Variants in CCNA2 observed in about 807,000 individuals in gnomAD.
The protein encoded by CCNA2 is cyclin A2.
CCNA2 carries 3 observed loss-of-function variants against 49.4 expected under a neutral mutation model. The observed-to-expected ratio is 0.06, with a 90% CI of 0.03 to 0.16. The LOEUF is 0.16. Ranked by LOEUF, CCNA2 falls within the 10% of genes least tolerant of loss-of-function variation. CCNA2 has a pLI of 1.00. For missense variants in CCNA2, 372 were observed against 519.7 expected, an observed-to-expected ratio of 0.72 and a Z score of 2.76; for synonymous variants, 206 against 197.2, an observed-to-expected ratio of 1.04 and a Z score of -0.37.
At position 121,817,554 on chromosome 4, in the gene CCNA2, G is replaced by A. The variant is rs958560978; in HGVS notation, c.*84C>T. ...ACAACTTCTGTATTCAGAAATGATT[G>A]TAAAATTAAAACCTAAGTTAAAAAC... On this transcript the variant is annotated 3_prime_UTR_variant, in exon 8 of 8. Transcript: ENST00000274026. The A allele has an allele frequency of 3.3e-6, 5 of 1,536,788 alleles. No individual in the cohort carries two copies. The highest frequency in any genetic ancestry group is 2.8e-5 in the African/African-American group (2 of 72,472).
In CCNA2 at chr4:121,819,378, T is replaced by C. The variant is rs375688555; in HGVS notation, c.996A>G (p.Leu332=). ...AAAATGAAAGTTAACTCACCATTGC[T>C]AAACTTTCAACTTTGCAGTTTGCAG... is the stretch of plus-strand genomic sequence containing the variant. ...QQPANCKVES[L]AMFLGELSLI... Residue 332 remains leucine, a synonymous_variant, in exon 5 of 8, where the codon TTA becomes TTG. Coordinates refer to ENST00000274026, the MANE Select transcript of CCNA2 (RefSeq NM_001237.5). The C allele has an allele frequency of 6.2e-7, 1 of 1,612,660 alleles. No individual in the cohort carries two copies. Among genetic ancestry groups the C allele is most frequent in the African/African-American group, 1.3e-5 (1 of 74,918 alleles).
At chr4:121,822,741 C>T (rs1724721186) in intron 1 of CCNA2, 95 bp from the exon 2 acceptor site, 1 of 1,278,014 alleles carries the variant, frequency 7.8e-7, no homozygotes, top group Non-Finnish European at 1.1e-6. Context: ...AATACTCTAT[C>T]AGGAATTAAA....
At position 121,817,306 on chromosome 4, in the gene CCNA2, A is replaced by G; in HGVS notation, c.*332T>C. ...AGAGGAAGGCTTTTCACTTCCCATT[A>G]TATAGTAAACCAAGTAAACTTCTTT... On this transcript the variant is annotated 3_prime_UTR_variant, in exon 8 of 8. Transcript: ENST00000274026. The G allele has an allele frequency of 3.9e-6, 1 of 259,320 alleles. No homozygotes were observed. The highest frequency in any genetic ancestry group is 8.6e-5 in the East Asian group (1 of 11,620). 16.1% of individuals were successfully genotyped at this position (259,320 alleles called of 1,614,324 possible).
rs780635306 is a variant in CCNA2 at position 121,823,656 on chromosome 4, T to A, written c.-28A>T. The A allele has an allele frequency of 1.3e-6, 2 of 1,542,798 alleles. No homozygotes were observed. Among genetic ancestry groups the A allele is most frequent in the Admixed American group, 1.9e-5 (1 of 51,690 alleles). ...CTGCTCCCGGGAGTGGACGGCGGGA[T>A]CAGCCTGCGGCGCCAAGCAGCGTGC... On this transcript the variant is annotated 5_prime_UTR_variant, in exon 1 of 8. Coordinates refer to ENST00000274026, the MANE Select transcript of CCNA2 (RefSeq NM_001237.5).
In CCNA2 at chr4:121,823,592, C is replaced by G. The variant is rs1300588184; in HGVS notation, c.37G>C (p.Glu13Gln). Reference protein sequence around the residue: ...GNSAPGPATREAGSALLALQQ... With the variant: ...GNSAPGPATRQAGSALLALQQ... ...AATGCTAGCAGCGCCGAGCCCGCCT[C>G]GCGGGTCGCAGGCCCCGGCGCAGAG... is the stretch of plus-strand genomic sequence containing the variant. The change falls in exon 1 of 8, where the codon GAG (glutamate) becomes CAG (glutamine). Residue 13 changes from glutamate (E) to glutamine (Q), a missense_variant. Glu to Gln is a conservative substitution (Grantham distance 29). Coordinates refer to ENST00000274026, the MANE Select transcript of CCNA2 (RefSeq NM_001237.5). The G allele has an allele frequency of 1.2e-6, 2 of 1,605,006 alleles. No individual in the cohort carries two copies. The highest frequency in any genetic ancestry group is 1.7e-6 in the Non-Finnish European group (2 of 1,177,592).
In CCNA2 at chr4:121,818,188, G is replaced by A. The variant is rs1724595431; in HGVS notation, c.1117-11C>T. On this transcript the variant is annotated splice_polypyrimidine_tract_variant and intron_variant, in intron 6 of 7. Coordinates refer to ENST00000274026, the MANE Select transcript of CCNA2 (RefSeq NM_001237.5). The stretch of plus-strand genomic sequence containing the variant: ...TATTAATGATTCAGGCTACAGAGAA[G>A]GGAATAGAGAACCCCTGAGTTTTGC... The A allele has an allele frequency of 6.2e-7, 1 of 1,608,046 alleles. No homozygotes were observed. Among genetic ancestry groups the A allele is most frequent in the Non-Finnish European group, 8.5e-7 (1 of 1,178,110 alleles).
Position 121,820,288 on chromosome 4 carries a change from T to C in CCNA2, c.794+254A>G, listed in dbSNP as rs755179571. On this transcript the variant is annotated intron_variant, in intron 4 of 7. Coordinates refer to ENST00000274026, the MANE Select transcript of CCNA2 (RefSeq NM_001237.5). This position sits in a 1 kb window ranked among gnomAD's most constrained non-coding sequence, Gnocchi z 4.1. ...ACTGCTTATATGCCAGAAAGTAATA[T>C]TGGAAGGAAAATGTTTTAAAATTTG... 2.0e-5 allele frequency among the ~76,000 whole-genome samples: 3 copies of C among 152,182 alleles called. No individual in the cohort carries two copies. The highest frequency in any genetic ancestry group is 2.9e-5 in the Non-Finnish European group (2 of 68,028).
chr4:121,819,444 T>C lies in CCNA2; in HGVS notation c.930A>G (p.Thr310=), dbSNP rs1445913355. The change falls in exon 5 of 8, where the codon ACA becomes ACG. Residue 310 remains threonine (T), a synonymous_variant. Coordinates refer to ENST00000274026, the MANE Select transcript of CCNA2 (RefSeq NM_001237.5). ...KVLTFDLAAP[T]VNQFLTQYFL... is the part of the protein sequence containing the mutation. ...AGTATTGGGTAAGAAACTGATTTAC[T>C]GTTGGAGCAGCTAAGTCAAAAGTAA... The C allele has an allele frequency of 1.2e-6, 2 of 1,614,154 alleles. No homozygotes were observed. Among genetic ancestry groups the C allele is most frequent in the Non-Finnish European group, 1.7e-6 (2 of 1,179,988 alleles).
Position 121,820,429 on chromosome 4 carries a change from A to T in CCNA2, c.794+113T>A, listed in dbSNP as rs769245. 12,703 of 702,942 alleles carry T rather than the reference A, an allele frequency of 0.018. 169 individuals are homozygous for T. Among genetic ancestry groups the T allele is most frequent in the Middle Eastern group, 0.041 (165 of 4,000 alleles). 43.5% of individuals were successfully genotyped at this position (702,942 alleles called of 1,614,324 possible). A position where few individuals can be genotyped will look rare whatever the true frequency, so the allele number is the denominator to read the frequency against. On this transcript the variant is annotated intron_variant, in intron 4 of 7. Transcript: ENST00000274026. This position sits in a 1 kb window ranked among gnomAD's most constrained non-coding sequence, Gnocchi z 4.1. ...TAAGCCCCAGCACATTGCCATCCCT[A>T]AAGTAGTCACTGACTCTGCCTGGTG...
Position 121,817,051 on chromosome 4 carries a change from TC to T in CCNA2, c.*586del. The T allele has an allele frequency of 1.8e-6, 1 of 554,900 alleles. No individual in the cohort carries two copies. Among genetic ancestry groups the T allele is most frequent in the Non-Finnish European group, 3.0e-6 (1 of 329,146 alleles). 34.4% of individuals were successfully genotyped at this position (554,900 alleles called of 1,614,324 possible). A position where few individuals can be genotyped will look rare whatever the true frequency, so the allele number is the denominator to read the frequency against. On this transcript the variant is annotated 3_prime_UTR_variant, in exon 8 of 8. Transcript: ENST00000274026. Reference sequence around the variant, plus strand: ...TCGTCTGTTAATTTGCATATAAGCTTCCCACCCTCTTCCACTCCCAACCTCT... The same window carrying T: ...TCGTCTGTTAATTTGCATATAAGCTTCCACCCTCTTCCACTCCCAACCTCT...
Position 121,820,481 on chromosome 4 carries a change from A to G in CCNA2, c.794+61T>C, listed in dbSNP as rs1724665467. ...ATGTTAAAAGGTCACCATTAAAAAA[A>G]TCAATTTCTTCCCTAGACAAAAGGT... On this transcript the variant is annotated intron_variant, in intron 4 of 7. Coordinates refer to ENST00000274026, the MANE Select transcript of CCNA2 (RefSeq NM_001237.5). This position sits in a 1 kb window ranked among gnomAD's most constrained non-coding sequence, Gnocchi z 4.1. 1.6e-6 allele frequency: 2 copies of G among 1,252,986 alleles called. No homozygotes were observed. Among genetic ancestry groups the G allele is most frequent in the Non-Finnish European group, 2.3e-6 (2 of 881,460 alleles). The allele number at this position is 1,252,986 out of a possible 1,614,324, so 77.6% of individuals were successfully genotyped here. A position where few individuals can be genotyped will look rare whatever the true frequency, so the allele number is the denominator to read the frequency against.
At chr4:121,818,640 C>A (rs983463235) in intron 6 of CCNA2, among the ~76,000 whole-genome samples, 160 bp downstream of exon 6, 1 of 152,172 alleles carries the variant, frequency 6.6e-6, no homozygotes, top group African/African-American at 2.4e-5. Context: ...AGTGGACTCA[C>A]ACAGTTCAAA....
Position 121,820,454 on chromosome 4 carries a change from GTA to G in CCNA2, c.794+86_794+87del. 1.1e-6 allele frequency: 1 copy of G among 881,236 alleles called. No homozygotes were observed. The highest frequency in any genetic ancestry group is 1.8e-6 in the Non-Finnish European group (1 of 556,270). The allele number at this position is 881,236 out of a possible 1,614,324, so 54.6% of individuals were successfully genotyped here. On this transcript the variant is annotated intron_variant, in intron 4 of 7. Coordinates refer to ENST00000274026, the MANE Select transcript of CCNA2 (RefSeq NM_001237.5). This position sits in a 1 kb window ranked among gnomAD's most constrained non-coding sequence, Gnocchi z 4.1. ...AAAGTAGTCACTGACTCTGCCTGGT[GTA>G]TGTTAAAAGGTCACCATTAAAAAAA...
intron 6 of CCNA2, 77 bp from the exon 7 acceptor site, chr4:121,818,254 G>A (rs1724598023): frequency 1.5e-6 from 2 of 1,316,890 alleles, no homozygotes; most frequent in Admixed American, 2.3e-5. Flanking sequence ...TTGGCATTAA[G>A]CTTATGTTAA....
At chr4:121,818,258 A>G (rs1724598177) in intron 6 of CCNA2, 81 bp from the exon 7 acceptor site, 2 of 1,272,346 alleles carry the variant, frequency 1.6e-6, no homozygotes, top group South Asian at 2.8e-5. Context: ...CATTAAGCTT[A>G]TGTTAAATTC....
Position 121,823,859 on chromosome 4 carries a change from C to T in CCNA2, c.-231G>A, listed in dbSNP as rs1724770104. On this transcript the variant is annotated 5_prime_UTR_variant, in exon 1 of 8. Coordinates refer to ENST00000274026, the MANE Select transcript of CCNA2 (RefSeq NM_001237.5). Reference sequence around the variant, plus strand: ...GCCCAGCGTGGCGAGCCAAAGACGCCCAGAGATGCAGCGAGCAGCCCGCCG... The same window carrying T: ...GCCCAGCGTGGCGAGCCAAAGACGCTCAGAGATGCAGCGAGCAGCCCGCCG... The T allele has an allele frequency of 4.3e-6, 3 of 691,342 alleles. No homozygotes were observed. Among genetic ancestry groups the T allele is most frequent in the East Asian group, 3.2e-5 (1 of 31,200 alleles). 42.8% of individuals were successfully genotyped at this position (691,342 alleles called of 1,614,324 possible).
chr4:121,816,732 A>T lies in CCNA2; in HGVS notation c.*906T>A. On this transcript the variant is annotated 3_prime_UTR_variant, in exon 8 of 8. Coordinates refer to ENST00000274026, the MANE Select transcript of CCNA2 (RefSeq NM_001237.5). ...CTCTTATTTCAATAATCCAAAACTT[A>T]ACATACTCTTAGTAAATTCTTACTT... 1.3e-6 allele frequency: 2 copies of T among 1,533,420 alleles called. No homozygotes were observed. Among genetic ancestry groups the T allele is most frequent in the South Asian group, 2.5e-5 (2 of 78,570 alleles). The allele number at this position is 1,533,420 out of a possible 1,614,324, so 95.0% of individuals were successfully genotyped here.
chr4:121,819,937 TTC>T (rs1724644021), intron 4 of CCNA2, among the ~76,000 whole-genome samples: 2 of 150,360 alleles, frequency 1.3e-5, no homozygotes, highest in Admixed American at 6.6e-5. Flanking sequence ...TAGTTTTTCT[TTC>T]TTTTTTTTTT....
rs990232931 is a variant in CCNA2 at position 121,822,566 on chromosome 4, C to T, written c.294G>A (p.Ala98=). The T allele has an allele frequency of 6.2e-7, 1 of 1,614,100 alleles. No homozygotes were observed. Among genetic ancestry groups the T allele is most frequent in the Non-Finnish European group, 8.5e-7 (1 of 1,180,038 alleles). ...PPWKANSKQP[A]FTIHVDEAEK... ...CTGCTTCATCCACATGAATGGTGAA[C>T]GCAGGCTGTTTACTGTTTGCTTTCC... The change falls in exon 2 of 8, where the codon GCG becomes GCA. Residue 98 remains alanine (A), a synonymous_variant. Coordinates refer to ENST00000274026, the MANE Select transcript of CCNA2 (RefSeq NM_001237.5).
Sources: gnomAD v4.1 joint callset for allele counts (sites outside exome capture counted in the v4.1 genomes callset) on GRCh38, gnomAD v4.1.1 for gene constraint, Gnocchi (gnomAD v3.1) non-coding constraint, MANE v1.5 for transcripts, NCBI Gene and HGNC (gene_info 2026-07-23, HGNC 2026-07-21) for gene names.